ARNT2: variants seen among roughly 807,000 people sequenced by gnomAD.
ARNT2 encodes the protein ARNT protein 2.
A neutral mutation model predicts 91.7 loss-of-function variants in ARNT2; 36 were observed. That is an observed-to-expected ratio of 0.39 (90% CI 0.30 to 0.52). The LOEUF is 0.52. ARNT2 is among the 20% of genes least tolerant of loss of function. ARNT2 has a pLI of 0.72. For synonymous variants in ARNT2, 365 were observed against 347.1 expected (o/e 1.05, Z -0.57); for missense variants, 775 against 939.3 (o/e 0.83, Z 2.29).
At chr15:80,461,378 A>G (rs1261369637) in intron 3 of ARNT2, among the ~76,000 whole-genome samples, 2 of 152,212 alleles carry the variant, frequency 1.3e-5, no homozygotes, top group Non-Finnish European at 2.9e-5. Flanking sequence ...TGTGGGTCCA[A>G]TGGCAGAGGG....
intron 15 of ARNT2, among the ~76,000 whole-genome samples, chr15:80,579,086 C>T (rs1898741255): frequency 6.6e-6 from 1 of 152,226 alleles, no homozygotes; most frequent in Non-Finnish European, 1.5e-5. Flanking sequence ...GGGCTGTGCA[C>T]AAGGGCTGGC....
chr15:80,405,006 C>G (rs942327628), intron 1 of ARNT2, among the ~76,000 whole-genome samples: 1 of 152,092 alleles, frequency 6.6e-6, no homozygotes, highest in Non-Finnish European at 1.5e-5. Flanking sequence ...GGGACTCTCC[C>G]CTGCCCGCCC....
chr15:80,441,674 T>C (rs1039009967), intron 1 of ARNT2, among the ~76,000 whole-genome samples: 19 of 152,348 alleles, frequency 1.2e-4, no homozygotes, highest in African/African-American at 4.3e-4. Context: ...CATTTCCTCC[T>C]GTTCCTTTCA....
chr15:80,533,075 G>A (rs1457848760), intron 8 of ARNT2, among the ~76,000 whole-genome samples: 1 of 152,232 alleles, frequency 6.6e-6, no homozygotes, highest in Non-Finnish European at 1.5e-5. Flanking sequence ...TCCATGGCCA[G>A]GGGCTGTTGG....
chr15:80,575,807 C>T (rs1416058905), intron 14 of ARNT2, among the ~76,000 whole-genome samples: 4 of 152,306 alleles, frequency 2.6e-5, no homozygotes, highest in Non-Finnish European at 1.5e-5. Context: ...TGCTGCGGCA[C>T]CTGCTGGGTG....
intron 1 of ARNT2, among the ~76,000 whole-genome samples, chr15:80,448,430 T>C (rs1242968964): frequency 6.6e-6 from 1 of 152,252 alleles, no homozygotes; most frequent in East Asian, 1.9e-4. Context: ...CCTTGCTCCC[T>C]TCATCTGTTG....
chr15:80,409,332 G>A (rs919276911), intron 1 of ARNT2, among the ~76,000 whole-genome samples: 5 of 152,110 alleles, frequency 3.3e-5, no homozygotes, highest in Non-Finnish European at 5.9e-5. Context: ...CATGCATTAC[G>A]TAGCCTTTTC....
chr15:80,445,518 T>C (rs1896284805), intron 1 of ARNT2, among the ~76,000 whole-genome samples: 1 of 150,954 alleles, frequency 6.6e-6, no homozygotes. Flanking sequence ...TGTGTGTTGA[T>C]GTGATGATGT....
chr15:80,519,741 A>G (rs1258965390), intron 8 of ARNT2, among the ~76,000 whole-genome samples: 2 of 143,246 alleles, frequency 1.4e-5, no homozygotes, highest in Admixed American at 7.3e-5. Context: ...GCTGGAGTGC[A>G]GTGGCGCAAT....
At chr15:80,574,459 A>T (rs1164281811) in intron 13 of ARNT2, among the ~76,000 whole-genome samples, 1 of 152,200 alleles carries the variant, frequency 6.6e-6, no homozygotes, top group Non-Finnish European at 1.5e-5. Context: ...TAGTCAACCT[A>T]AGGGCTGAGG....
At chr15:80,533,978 G>A (rs1393084759) in intron 8 of ARNT2, among the ~76,000 whole-genome samples, 1 of 152,140 alleles carries the variant, frequency 6.6e-6, no homozygotes, top group East Asian at 1.9e-4. Context: ...CTGATTTATT[G>A]GAAATGAAGC....
chr15:80,524,741 G>A (rs561505813), intron 8 of ARNT2, among the ~76,000 whole-genome samples: 2 of 152,166 alleles, frequency 1.3e-5, no homozygotes, highest in African/African-American at 2.4e-5. Flanking sequence ...TGGGCGTGGT[G>A]GCGGGCGCCT....
chr15:80,463,451 A>G (rs1160619555), intron 3 of ARNT2, among the ~76,000 whole-genome samples: 1 of 152,122 alleles, frequency 6.6e-6, no homozygotes, highest in African/African-American at 2.4e-5. Context: ...GTTGCTTATG[A>G]GCAACTAAAG....
chr15:80,490,954 A>C (rs1897048506), intron 5 of ARNT2, among the ~76,000 whole-genome samples: 1 of 152,206 alleles, frequency 6.6e-6, no homozygotes. Flanking sequence ...GGGGACCCTA[A>C]TTTACACGTT....
At chr15:80,498,824 C>T (rs982979044) in intron 5 of ARNT2, among the ~76,000 whole-genome samples, 3 of 152,356 alleles carry the variant, frequency 2.0e-5, no homozygotes, top group Non-Finnish European at 4.4e-5. Context: ...TGGCTGACCT[C>T]CTGCCCCCTC....
chr15:80,522,070 G>A (rs114390334), intron 8 of ARNT2, among the ~76,000 whole-genome samples: 3 of 152,056 alleles, frequency 2.0e-5, no homozygotes, highest in East Asian at 1.9e-4. Context: ...TGTTTAAAAC[G>A]TAAAAAGAAT....
intron 8 of ARNT2, among the ~76,000 whole-genome samples, chr15:80,531,752 C>T (rs1362300507): frequency 1.3e-5 from 2 of 152,166 alleles, no homozygotes; most frequent in Non-Finnish European, 2.9e-5. Flanking sequence ...AGATGCTTAC[C>T]TGGAGTTTGG....
At chr15:80,431,838 C>T (rs565850174) in intron 1 of ARNT2, among the ~76,000 whole-genome samples, 3 of 152,286 alleles carry the variant, frequency 2.0e-5, no homozygotes, top group South Asian at 2.1e-4. Context: ...CCCTGGTGGC[C>T]GAAGCCCTCT....
chr15:80,404,634 G>A lies in ARNT2; in HGVS notation c.31+88G>A. 2 of 913,314 alleles carry A rather than the reference G, an allele frequency of 2.2e-6. No individual in the cohort carries two copies. The highest frequency in any genetic ancestry group is 2.6e-6 in the Non-Finnish European group (2 of 759,148). The allele number at this position is 913,314 out of a possible 1,614,324, so 56.6% of individuals were successfully genotyped here. A position where few individuals can be genotyped will look rare whatever the true frequency, so the allele number is the denominator to read the frequency against. On this transcript the variant is annotated intron_variant, in intron 1 of 18. Coordinates refer to ENST00000303329, the MANE Select transcript of ARNT2 (RefSeq NM_014862.4). The surrounding 1 kb of genome is among the most constrained non-coding windows in gnomAD (Gnocchi z 5.5). ...GGACCAGGCGCGCCGGGCGCCCCCG[G>A]GGGCGCGGAGCCGCAGCTCGGCGCG...
Sources: gnomAD v4.1 joint callset for allele counts (sites outside exome capture counted in the v4.1 genomes callset) on GRCh38, gnomAD v4.1.1 for gene constraint, Gnocchi (gnomAD v3.1) non-coding constraint, MANE v1.5 for transcripts, NCBI Gene and HGNC (gene_info 2026-07-23, HGNC 2026-07-21) for gene names.